Variants in GXYLT2 observed in about 807,000 individuals in gnomAD.
The protein encoded by GXYLT2 is glycosyltransferase 8 domain containing 4.
Under a neutral mutation model 45.8 loss-of-function variants are expected in GXYLT2, and 53 were observed. The observed-to-expected ratio is 1.16, with a 90% CI of 0.93 to 1.46. The LOEUF (loss-of-function observed/expected upper bound fraction) is 1.46, where lower values mean the gene tolerates loss of function less well. Among genes scored for constraint, GXYLT2 ranks in the 40% most tolerant of loss-of-function variants. The probability of loss-of-function intolerance (pLI) is 0.00; values close to 1 mark genes in which losing one functional copy is unlikely to be tolerated. For synonymous variants in GXYLT2, 219 were observed against 214.2 expected, an observed-to-expected ratio of 1.02 and a Z score of -0.19; for missense variants, 551 against 544.4, an observed-to-expected ratio of 1.01 and a Z score of -0.12.
intron 6 of GXYLT2, among the ~76,000 whole-genome samples, chr3:72,968,998 G>A (rs1383591420): frequency 1.3e-5 from 2 of 152,078 alleles, no homozygotes; most frequent in East Asian, 1.9e-4. Context: ...ATGAACCCAG[G>A]AGGCGGAGCT....
intron 2 of GXYLT2, among the ~76,000 whole-genome samples, chr3:72,916,458 GT>G (rs1458205695): frequency 6.6e-6 from 1 of 151,654 alleles, no homozygotes; most frequent in African/African-American, 2.4e-5. Context: ...AAAGTGTTGA[GT>G]TTATAGGTAT....
intron 4 of GXYLT2, 123 bp from the exon 5 acceptor site, chr3:72,957,106 G>A: frequency 2.0e-6 from 2 of 999,036 alleles, no homozygotes; most frequent in Non-Finnish European, 2.9e-6. Context: ...GAGAATAGCA[G>A]GACCCCTCCT....
chr3:72,966,113 G>C (rs1710860443), intron 5 of GXYLT2, among the ~76,000 whole-genome samples: 1 of 151,972 alleles, frequency 6.6e-6, no homozygotes, highest in African/African-American at 2.4e-5. Context: ...TGAGTAGCTG[G>C]GTTTACAGGC....
At chr3:72,952,449 G>A (rs13091067) in intron 3 of GXYLT2, among the ~76,000 whole-genome samples, 78,406 of 151,898 alleles carry the variant, frequency 0.52, 21,250 homozygotes, top group South Asian at 0.65. Context: ...GAATTACTCA[G>A]GTCTGAAGTT....
intron 5 of GXYLT2, among the ~76,000 whole-genome samples, chr3:72,965,967 T>C (rs13094041): frequency 0.48 from 72,445 of 151,784 alleles, 20,101 homozygotes; most frequent in Non-Finnish European, 0.62. Context: ...CTGTTGTAGG[T>C]GGGGTTTTTT....
intron 3 of GXYLT2, among the ~76,000 whole-genome samples, chr3:72,936,204 A>C (rs533472440): frequency 5.7e-4 from 86 of 151,704 alleles, no homozygotes; most frequent in African/African-American, 2.0e-3. Flanking sequence ...AGGCAGGAGA[A>C]TTGCTTGAAC....
intron 3 of GXYLT2, among the ~76,000 whole-genome samples, chr3:72,933,783 C>G (rs967448673): frequency 6.6e-6 from 1 of 152,130 alleles, no homozygotes; most frequent in Admixed American, 6.5e-5. Context: ...GGTCTGTAGT[C>G]CCAGCAGCCT....
chr3:72,967,472 AGTTTAATCGT>A (rs1710887755), intron 5 of GXYLT2, 65 bp from the exon 6 acceptor site: 1 of 1,107,924 alleles, frequency 9.0e-7, no homozygotes, highest in African/African-American at 1.5e-5. Context: ...TAGTGGAAAC[AGTTTAATCGT>A]GCCACATGTG....
At position 72,967,537 on chromosome 3, in the gene GXYLT2, T is replaced by C. The variant is rs755560396; in HGVS notation, c.977-10T>C. The C allele has an allele frequency of 1.3e-4, 206 of 1,611,350 alleles. No individual in the cohort carries two copies. The highest frequency in any genetic ancestry group is 1.7e-4 in the Non-Finnish European group (196 of 1,178,118). On this transcript the variant is annotated splice_polypyrimidine_tract_variant and intron_variant, in intron 5 of 6. Transcript: ENST00000389617. ...CGTGGACATATATGTCTTTCTCTTT[T>C]TACCACCAGAGTGTCTCTATGTATT...
rs181379722 is a variant in GXYLT2 at position 72,900,893 on chromosome 3, G to A, written c.276-7474G>A. Among the ~76,000 whole-genome samples the A allele has an allele frequency of 2.0e-5, 3 of 152,024 alleles. No homozygotes were observed. In the East Asian group the frequency reaches 5.8e-4, roughly 30 times the overall value. Reference sequence around the variant, plus strand: ...ATTCGGCCCAGGTACGGTGGCTCACGCCTGTAATCCCAGCACTTTGGGAGG... The same window carrying A: ...ATTCGGCCCAGGTACGGTGGCTCACACCTGTAATCCCAGCACTTTGGGAGG... On this transcript the variant is annotated intron_variant, in intron 1 of 6. Coordinates refer to ENST00000389617, the MANE Select transcript of GXYLT2 (RefSeq NM_001080393.2).
At chr3:72,916,856 G>A (rs1709754013) in intron 2 of GXYLT2, among the ~76,000 whole-genome samples, 1 of 151,660 alleles carries the variant, frequency 6.6e-6, no homozygotes, top group African/African-American at 2.4e-5. Flanking sequence ...TGTATCTAGT[G>A]TGTTATTGTA....
At chr3:72,916,175 C>T (rs1709738282) in intron 2 of GXYLT2, among the ~76,000 whole-genome samples, 1 of 150,374 alleles carries the variant, frequency 6.7e-6, no homozygotes, top group Admixed American at 6.7e-5. Flanking sequence ...ATGTGTTTTG[C>T]CACACTTCCT....
intron 3 of GXYLT2, among the ~76,000 whole-genome samples, chr3:72,940,281 G>A (rs908697845): frequency 1.3e-5 from 2 of 152,244 alleles, no homozygotes; most frequent in Non-Finnish European, 1.5e-5. Flanking sequence ...GGCCCTAGAA[G>A]TATGACTGTG....
rs1223688401 is a variant in GXYLT2 at position 72,975,308 on chromosome 3, G to A, written c.*149G>A. The A allele has an allele frequency of 2.2e-6, 1 of 461,472 alleles. No individual in the cohort carries two copies. The highest frequency in any genetic ancestry group is 3.5e-5 in the East Asian group (1 of 28,826). 28.6% of individuals were successfully genotyped at this position (461,472 alleles called of 1,614,324 possible). On this transcript the variant is annotated 3_prime_UTR_variant, in exon 7 of 7. Transcript: ENST00000389617. ...CTCGTTAAATTTTGCCAAATCAGTT[G>A]CCCCCAAAAGGGAATATGCTTTTCC... is the stretch of plus-strand genomic sequence containing the variant.
Position 72,896,507 on chromosome 3 carries a change from A to G in GXYLT2, c.275+7999A>G, listed in dbSNP as rs115397382. Among the ~76,000 whole-genome samples, 835 of 152,220 alleles carry G rather than the reference A, an allele frequency of 5.5e-3. 10 individuals carry two copies. The highest frequency in any genetic ancestry group is 0.019 in the African/African-American group (794 of 41,512). On this transcript the variant is annotated intron_variant, in intron 1 of 6. Coordinates refer to ENST00000389617, the MANE Select transcript of GXYLT2 (RefSeq NM_001080393.2). ...GAGGAAACTGAGACTCAGCTTCTAT[A>G]TATAATAAAGGATACACCAATCTCA...
intron 3 of GXYLT2, among the ~76,000 whole-genome samples, chr3:72,933,245 C>T (rs1422206553): frequency 2.0e-5 from 3 of 152,132 alleles, no homozygotes; most frequent in Non-Finnish European, 2.9e-5. Context: ...CCATAACTAA[C>T]CATGAACAAT....
At chr3:72,924,867 G>A (rs115668418) in intron 3 of GXYLT2, among the ~76,000 whole-genome samples, 3,313 of 152,134 alleles carry the variant, frequency 0.022, 62 homozygotes, top group African/African-American at 0.051. Context: ...ATGGCTCAAC[G>A]TAAGAAATAA....
intron 2 of GXYLT2, among the ~76,000 whole-genome samples, chr3:72,914,552 C>CAT (rs1559732246): frequency 3.4e-4 from 50 of 147,310 alleles, no homozygotes; most frequent in Admixed American, 1.1e-3. Context: ...TGTGTGCGCG[C>CAT]GCGCGCTTGC....
chr3:72,943,984 G>A (rs150415621), intron 3 of GXYLT2, among the ~76,000 whole-genome samples: 5 of 152,094 alleles, frequency 3.3e-5, no homozygotes, highest in African/African-American at 1.2e-4. Flanking sequence ...ATGCCTGGCT[G>A]GGAGCATCAT....
Sources: gnomAD v4.1 joint callset for allele counts (sites outside exome capture counted in the v4.1 genomes callset) on GRCh38, gnomAD v4.1.1 for gene constraint, MANE v1.5 for transcripts, NCBI Gene and HGNC (gene_info 2026-07-23, HGNC 2026-07-21) for gene names.